ADD3: variants seen among roughly 807,000 people sequenced by gnomAD.
ADD3 encodes gamma-adducin.
ADD3 carries 25 observed loss-of-function variants against 80.2 expected under a neutral mutation model. The observed-to-expected ratio is 0.31, with a 90% CI of 0.23 to 0.44. The LOEUF (loss-of-function observed/expected upper bound fraction) is 0.44. Ranked by LOEUF, ADD3 falls within the 20% of genes least tolerant of loss-of-function variation. ADD3 has a pLI of 1.00. For synonymous variants in ADD3, 284 were observed against 289.6 expected, an observed-to-expected ratio of 0.98 and a Z score of 0.20; for missense variants, 829 against 847.5, an observed-to-expected ratio of 0.98 and a Z score of 0.27.
chr10:110,131,875 A>G lies in ADD3; in HGVS notation c.1733-430A>G, dbSNP rs574753965. On this transcript the variant is annotated intron_variant, in intron 13 of 14. Coordinates refer to ENST00000356080, the MANE Select transcript of ADD3 (RefSeq NM_016824.5). The stretch of plus-strand genomic sequence containing the variant: ...TTATTATGACCTTATGAATTAGCTC[A>G]GTAACATTGCTCTGACAGGTATCAC... Among the ~76,000 whole-genome samples the G allele has an allele frequency of 1.1e-3, 160 of 152,368 alleles. 3 individuals are homozygous for G. The highest frequency in any genetic ancestry group is 1.9e-3 in the Admixed American group (29 of 15,304).
intron 1 of ADD3, among the ~76,000 whole-genome samples, chr10:110,015,605 A>G (rs1852879327): frequency 6.6e-6 from 1 of 151,652 alleles, no homozygotes; most frequent in African/African-American, 2.4e-5. Context: ...CGATCTCCTG[A>G]CCTCGTGATC....
chr10:110,032,952 A>C (rs1365920569), intron 1 of ADD3, among the ~76,000 whole-genome samples: 1 of 152,252 alleles, frequency 6.6e-6, no homozygotes, highest in Non-Finnish European at 1.5e-5. Context: ...AGCCAATTTA[A>C]ATAGAGCCAA....
rs1042019629 is a variant in ADD3 at position 110,078,370 on chromosome 10, T to C, written c.-29-22255T>C. On this transcript the variant is annotated intron_variant, in intron 1 of 14. Transcript: ENST00000356080. ...TATCCCAGCAATGCTAAAGGGAATA[T>C]GCTAGAATTGAGAGAAAAATGTTTG... Among the ~76,000 whole-genome samples the C allele has an allele frequency of 3.9e-5, 6 of 152,256 alleles. No homozygotes were observed. In the East Asian group the frequency reaches 7.7e-4, roughly 19 times the overall value.
At chr10:110,020,521 C>G (rs939305974) in intron 1 of ADD3, among the ~76,000 whole-genome samples, 1 of 132,130 alleles carries the variant, frequency 7.6e-6, no homozygotes, top group Non-Finnish European at 1.8e-5. Context: ...AAGCCAAAGG[C>G]CCCGAGGCCC....
At chr10:110,100,986 A>G (rs1316473759) in intron 2 of ADD3, 138 bp downstream of exon 2, 3 of 679,158 alleles carry the variant, frequency 4.4e-6, no homozygotes, top group Non-Finnish European at 7.0e-6. Context: ...CAGTCTTTCA[A>G]AGGAGAAATG....
intron 1 of ADD3, among the ~76,000 whole-genome samples, chr10:110,036,942 T>G (rs762509326): frequency 1.1e-4 from 16 of 152,176 alleles, no homozygotes; most frequent in Non-Finnish European, 2.2e-4. Flanking sequence ...ACAGCCTCTT[T>G]TTACCTGGGA....
intron 1 of ADD3, among the ~76,000 whole-genome samples, chr10:110,013,334 C>T (rs755982516): frequency 5.2e-4 from 79 of 152,152 alleles, no homozygotes; most frequent in Non-Finnish European, 2.9e-4. Context: ...AACTCCTGAC[C>T]TCAAGTGTTC....
chr10:110,003,302 G>GGTGTGTGTGT (rs1554893815), upstream of ADD3, among the ~76,000 whole-genome samples: 1 of 147,026 alleles, frequency 6.8e-6, no homozygotes, highest in African/African-American at 2.6e-5. Flanking sequence ...GAACAGTAAG[G>GGTGTGTGTGT]GTGTGTGTGT....
chr10:110,053,080 G>A (rs1436814186), intron 1 of ADD3, among the ~76,000 whole-genome samples: 1 of 152,156 alleles, frequency 6.6e-6, no homozygotes, highest in Non-Finnish European at 1.5e-5. Context: ...TTTTGTTAGT[G>A]AGCAAATACA....
chr10:110,005,430 T>C (rs188314178), upstream of ADD3, among the ~76,000 whole-genome samples: 36 of 152,322 alleles, frequency 2.4e-4, no homozygotes, highest in African/African-American at 8.7e-4. Flanking sequence ...AATACTGGTA[T>C]TCACTGAAGT....
intron 1 of ADD3, among the ~76,000 whole-genome samples, chr10:110,059,661 C>T (rs1858640351): frequency 6.6e-6 from 1 of 151,886 alleles, no homozygotes; most frequent in South Asian, 2.1e-4. Context: ...CCCAGCTACT[C>T]GGGAGGCTGA....
chr10:110,070,991 G>C (rs113586886), intron 1 of ADD3, among the ~76,000 whole-genome samples: 8 of 81,836 alleles, frequency 9.8e-5, no homozygotes, highest in African/African-American at 3.3e-4. Flanking sequence ...TGGGGGGGGG[G>C]GGTGGGGAGC....
chr10:110,052,950 TAATG>T (rs1207812252), intron 1 of ADD3, among the ~76,000 whole-genome samples: 1 of 152,130 alleles, frequency 6.6e-6, no homozygotes, highest in African/African-American at 2.4e-5. Flanking sequence ...ATATAAATAA[TAATG>T]AGGCCTTGAA....
At chr10:110,092,738 A>G (rs1847691344) in intron 1 of ADD3, among the ~76,000 whole-genome samples, 1 of 152,138 alleles carries the variant, frequency 6.6e-6, no homozygotes, top group Non-Finnish European at 1.5e-5. Context: ...GGGTGGGGAA[A>G]CATTATGTTG....
intron 1 of ADD3, among the ~76,000 whole-genome samples, chr10:110,090,412 G>A (rs1325565165): frequency 3.3e-5 from 5 of 151,938 alleles, no homozygotes; most frequent in African/African-American, 1.2e-4. Flanking sequence ...GTAGAGGTGG[G>A]GTTTCACCAT....
chr10:110,058,079 T>G (rs1311662138), intron 1 of ADD3, among the ~76,000 whole-genome samples: 2 of 151,518 alleles, frequency 1.3e-5, no homozygotes, highest in Non-Finnish European at 2.9e-5. Flanking sequence ...TTTCTTTGAT[T>G]TAGTTATTTT....
intron 1 of ADD3, among the ~76,000 whole-genome samples, chr10:110,055,088 G>A (rs977549157): frequency 2.4e-4 from 36 of 152,302 alleles, no homozygotes; most frequent in African/African-American, 8.7e-4. Context: ...TGAAATTCAT[G>A]TAAAGTGTTT....
At chr10:110,078,095 T>C (rs1248747054) in intron 1 of ADD3, among the ~76,000 whole-genome samples, 1 of 152,222 alleles carries the variant, frequency 6.6e-6, no homozygotes, top group Non-Finnish European at 1.5e-5. Context: ...CTTCTTAGCA[T>C]CTCCTTGCTT....
chr10:110,049,529 C>T (rs1366113860), intron 1 of ADD3, among the ~76,000 whole-genome samples: 1 of 152,192 alleles, frequency 6.6e-6, no homozygotes, highest in Non-Finnish European at 1.5e-5. Flanking sequence ...GGAACCCACC[C>T]CTTGCATCAG....
Sources: allele counts gnomAD v4.1 joint callset (sites outside exome capture counted in the v4.1 genomes callset), GRCh38; gene constraint gnomAD v4.1.1; transcripts MANE v1.5; gene names NCBI Gene and HGNC (gene_info 2026-07-23, HGNC 2026-07-21).